TKFC: variants seen among roughly 807,000 people sequenced by gnomAD.
TKFC encodes triokinase/FMN cyclase.
A neutral mutation model predicts 61.0 loss-of-function variants in TKFC; 46 were observed. The observed-to-expected ratio is 0.75, with a 90% CI of 0.60 to 0.96. The LOEUF (loss-of-function observed/expected upper bound fraction) is 0.96. Ranked by LOEUF, TKFC falls within the 50% of genes least tolerant of loss-of-function variation. The probability of loss-of-function intolerance (pLI) is 0.00; values close to 1 mark genes in which losing one functional copy is unlikely to be tolerated. For synonymous variants in TKFC, 314 were observed against 330.1 expected (o/e 0.95, Z 0.53); for missense variants, 715 against 777.5 (o/e 0.92, Z 0.96).
In TKFC at chr11:61,339,245, C is replaced by T. The variant is rs1196633373; in HGVS notation, c.305-9C>T. ...TAAGCACACTGAGCCCTTCCGGCTG[C>T]TCCCGCAGTGGGGACGCTCCTTATC... On this transcript the variant is annotated splice_polypyrimidine_tract_variant and intron_variant, in intron 4 of 17. Transcript: ENST00000394900. 2 of 1,612,068 alleles carry T rather than the reference C, an allele frequency of 1.2e-6. No individual in the cohort carries two copies. Among genetic ancestry groups the T allele is most frequent in the Non-Finnish European group, 1.7e-6 (2 of 1,178,796 alleles).
chr11:61,337,906 C>G, intron 2 of TKFC, 35 bp from the exon 3 acceptor site: 1 of 1,572,018 alleles, frequency 6.4e-7, no homozygotes, highest in Non-Finnish European at 8.6e-7. Flanking sequence ...CTGTACTGAC[C>G]ACATTCTGAC....
In TKFC at chr11:61,342,624, C is replaced by T. The variant is rs1216744887; in HGVS notation, c.741C>T (p.Asn247=). The T allele has an allele frequency of 1.2e-6, 2 of 1,614,002 alleles. No homozygotes were observed. Among genetic ancestry groups the T allele is most frequent in the Non-Finnish European group, 1.7e-6 (2 of 1,180,048 alleles). Residue 247 remains asparagine (N), a synonymous_variant, in exon 9 of 18, where the codon AAC becomes AAT. Coordinates refer to ENST00000394900, the MANE Select transcript of TKFC (RefSeq NM_015533.4). The part of the protein sequence containing the change: ...IVKLMLDHMT[N]TTNASHVPVQ... ...AACTCATGCTCGACCACATGACAAA[C>T]ACCACCAACGCGTCCCATGTGCCTG... is the stretch of plus-strand genomic sequence containing the variant.
chr11:61,346,142 G>A lies in TKFC; in HGVS notation c.1575+196G>A. The A allele has an allele frequency of 1.6e-6, 2 of 1,267,422 alleles. No individual in the cohort carries two copies. The highest frequency in any genetic ancestry group is 1.1e-6 in the Non-Finnish European group (1 of 937,106). The allele number at this position is 1,267,422 out of a possible 1,614,324, so 78.5% of individuals were successfully genotyped here. ...TAGAGCCCCGCACACTGCCTGGGATGTGACAGGGCCTCAGTGAATGGTGAC... is the reference window on the plus strand; with the variant it reads ...TAGAGCCCCGCACACTGCCTGGGATATGACAGGGCCTCAGTGAATGGTGAC... On this transcript the variant is annotated intron_variant, in intron 17 of 17. Coordinates refer to ENST00000394900, the MANE Select transcript of TKFC (RefSeq NM_015533.4). This position sits in a 1 kb window ranked among gnomAD's most constrained non-coding sequence, Gnocchi z 4.1.
downstream of TKFC, chr11:61,350,319 G>C (rs1298728056): frequency 6.4e-7 from 1 of 1,553,004 alleles, no homozygotes; most frequent in African/African-American, 1.4e-5. Flanking sequence ...AAACCAGCCG[G>C]GAGCCCTGGG....
chr11:61,344,402 G>A (rs1272953462), intron 13 of TKFC, 129 bp downstream of exon 13: 7 of 1,276,574 alleles, frequency 5.5e-6, no homozygotes, highest in African/African-American at 3.2e-5. Context: ...TCACTCTGTC[G>A]CTAGGCTGGA....
chr11:61,337,300 A>G (rs1856648045), intron 2 of TKFC, among the ~76,000 whole-genome samples: 1 of 152,090 alleles, frequency 6.6e-6, no homozygotes, highest in Non-Finnish European at 1.5e-5. Context: ...ATGCACCACC[A>G]TGCCTGGATC....
In TKFC at chr11:61,344,068, C is replaced by T. The variant is rs1856997553; in HGVS notation, c.1103-68C>T. 3.7e-6 allele frequency: 6 copies of T among 1,602,360 alleles called. No homozygotes were observed. The Admixed American group carries it at 8.4e-5, about 22-fold the overall frequency. Reference sequence around the variant, plus strand: ...GTAGGGGCCCTGGCACCCACACCTCCCACCATAGTCAAGTGTGGTTGTGAG... The same window carrying T: ...GTAGGGGCCCTGGCACCCACACCTCTCACCATAGTCAAGTGTGGTTGTGAG... On this transcript the variant is annotated intron_variant, in intron 12 of 17. Coordinates refer to ENST00000394900, the MANE Select transcript of TKFC (RefSeq NM_015533.4).
intron 1 of TKFC, 46 bp from the exon 2 acceptor site, chr11:61,334,574 G>C: frequency 2.1e-6 from 2 of 941,250 alleles, no homozygotes; most frequent in Non-Finnish European, 1.6e-6. Flanking sequence ...TGTGCCAGTC[G>C]ACTGCGAGTT....
chr11:61,346,181 G>C lies in TKFC; in HGVS notation c.1576-170G>C. On this transcript the variant is annotated intron_variant, in intron 17 of 17. Transcript: ENST00000394900. This position sits in a 1 kb window ranked among gnomAD's most constrained non-coding sequence, Gnocchi z 4.1. Reference sequence around the variant, plus strand: ...GTGAATGGTGACCCTTTTCCCTGCTGGAAGTAGATGAGAAGTGACTTTCCA... The same window carrying C: ...GTGAATGGTGACCCTTTTCCCTGCTCGAAGTAGATGAGAAGTGACTTTCCA... 6.8e-7 allele frequency: 1 copy of C among 1,469,544 alleles called. No individual in the cohort carries two copies. The highest frequency in any genetic ancestry group is 1.3e-5 in the South Asian group (1 of 75,884). The allele number at this position is 1,469,544 out of a possible 1,614,324, so 91.0% of individuals were successfully genotyped here.
At chr11:61,352,984 C>A, downstream of TKFC, 1 of 1,614,158 alleles carries the variant, frequency 6.2e-7, no homozygotes, top group Non-Finnish European at 8.5e-7. Context: ...ACTGCACTCA[C>A]AAACTGAAGA....
intron 1 of TKFC, chr11:61,334,277 G>A (rs1438221145): frequency 5.9e-6 from 1 of 170,256 alleles, no homozygotes; most frequent in East Asian, 1.6e-4. Context: ...AGGCCAGTGA[G>A]GGCAAGCGTG....
At position 61,346,927 on chromosome 11, in the gene TKFC, C is replaced by T; in HGVS notation, c.*424C>T. 1 of 988,626 alleles carries T rather than the reference C, an allele frequency of 1.0e-6. No homozygotes were observed. The highest frequency in any genetic ancestry group is 1.2e-6 in the Non-Finnish European group (1 of 832,042). 61.2% of individuals were successfully genotyped at this position (988,626 alleles called of 1,614,324 possible). A position where few individuals can be genotyped will look rare whatever the true frequency, so the allele number is the denominator to read the frequency against. Reference sequence around the variant, plus strand: ...ATAATACATGGAAGCAAGAAAGACACTGCCTCCTCTGAGGGACCTTTTCCC... The same window carrying T: ...ATAATACATGGAAGCAAGAAAGACATTGCCTCCTCTGAGGGACCTTTTCCC... On this transcript the variant is annotated 3_prime_UTR_variant, in exon 18 of 18. Transcript: ENST00000394900. The surrounding 1 kb of genome is among the most constrained non-coding windows in gnomAD (Gnocchi z 4.1).
downstream of TKFC, chr11:61,353,424 G>A (rs748455100): frequency 2.3e-5 from 14 of 610,782 alleles, no homozygotes; most frequent in Non-Finnish European, 3.6e-5. Flanking sequence ...CTCTTCACTC[G>A]CACAGGCCTG....
At position 61,348,618 on chromosome 11, in the gene TKFC, C is replaced by T. The variant is rs1238318518; in HGVS notation, c.*2115C>T. 2.2e-5 allele frequency: 11 copies of T among 509,498 alleles called. No homozygotes were observed. Among genetic ancestry groups the T allele is most frequent in the African/African-American group, 6.2e-5 (3 of 48,196 alleles). 31.6% of individuals were successfully genotyped at this position (509,498 alleles called of 1,614,324 possible). On this transcript the variant is annotated 3_prime_UTR_variant, in exon 18 of 18. Coordinates refer to ENST00000394900, the MANE Select transcript of TKFC (RefSeq NM_015533.4). ...GTGGAGCCCCAGAGAGCTCTCACGC[C>T]CTTTCCACCATGTGAGGTTATGGTG...
chr11:61,350,711 G>C, downstream of TKFC: 3 of 591,054 alleles, frequency 5.1e-6, no homozygotes, highest in Non-Finnish European at 8.8e-6. Flanking sequence ...CCCTTCCTTG[G>C]GGAAGAAGAT....
intron 10 of TKFC, 146 bp downstream of exon 10, chr11:61,342,990 C>A: frequency 1.3e-6 from 1 of 792,470 alleles, no homozygotes; most frequent in Non-Finnish European, 2.0e-6. Flanking sequence ...TACCTTGAGC[C>A]TCTGTTTGTT....
chr11:61,343,279 C>T (rs1417056982), intron 10 of TKFC, 63 bp from the exon 11 acceptor site: 2 of 1,492,018 alleles, frequency 1.3e-6, no homozygotes, highest in Non-Finnish European at 1.9e-6. Context: ...CCTTGCTTTT[C>T]TGTTGTTTTC....
rs376934716 is a variant in TKFC, at chr11:61,342,257, A to T, written c.656-204A>T. 1.3e-4 allele frequency: 88 copies of T among 675,002 alleles called. 2 individuals carry two copies. The South Asian group carries it at 1.5e-3, about 12-fold the overall frequency. 41.8% of individuals were successfully genotyped at this position (675,002 alleles called of 1,614,324 possible). On this transcript the variant is annotated intron_variant, in intron 7 of 17. Transcript: ENST00000394900. ...CTTTCCTCGCCTGTGCTTCCTCCTT[A>T]ACTATCTCTAGTTAAAGCTATCTCC...
intron 6 of TKFC, 60 bp from the exon 7 acceptor site, chr11:61,341,763 C>A (rs1359620679): frequency 6.6e-7 from 1 of 1,515,330 alleles, no homozygotes; most frequent in Middle Eastern, 1.7e-4. Flanking sequence ...TGCTGCCACC[C>A]TTCCTGATGC....
Sources: gnomAD v4.1 joint callset for allele counts (sites outside exome capture counted in the v4.1 genomes callset) on GRCh38, gnomAD v4.1.1 for gene constraint, Gnocchi (gnomAD v3.1) non-coding constraint, MANE v1.5 for transcripts, NCBI Gene and HGNC (gene_info 2026-07-23, HGNC 2026-07-21) for gene names.